The following UBR3 variants were observed in gnomAD, a reference collection of about 807,000 sequenced individuals.
The protein encoded by UBR3 is ubiquitin protein ligase E3 component n-recognin 3, also known as E3 ubiquitin-protein ligase UBR3.
A neutral mutation model predicts 243.2 loss-of-function variants in UBR3; 85 were observed. The ratio of observed to expected loss-of-function variants is 0.35; its 90% CI spans 0.29 to 0.42. UBR3 has a LOEUF of 0.42. UBR3 is among the 10% of genes least tolerant of loss of function. UBR3 has a pLI of 1.00. For synonymous variants in UBR3, 748 were observed against 799.8 expected (o/e 0.94, Z 1.09); for missense variants, 1,686 against 2,300.8 (o/e 0.73, Z 5.47).
chr2:170,063,293 A>G (rs1229482266), intron 35 of UBR3, among the ~76,000 whole-genome samples: 2 of 152,162 alleles, frequency 1.3e-5, no homozygotes, highest in Non-Finnish European at 1.5e-5. Flanking sequence ...GAAGGAGGAA[A>G]TACAGGGCAG....
chr2:169,831,128 T>TATATATATATA (rs1491457428), intron 1 of UBR3, among the ~76,000 whole-genome samples: 2 of 36,426 alleles, frequency 5.5e-5, no homozygotes, highest in African/African-American at 1.6e-4. Context: ...TATATATATA[T>TATATATATATA]TTTTTTTTTT....
intron 10 of UBR3, 48 bp from the exon 11 acceptor site, chr2:169,914,012 T>C (rs569409474): frequency 2.3e-6 from 2 of 870,760 alleles, no homozygotes; most frequent in Admixed American, 3.8e-5. Context: ...ATGTTGAAAA[T>C]ATATGTTTAT....
At chr2:170,051,133 A>AT (rs920096738) in intron 32 of UBR3, among the ~76,000 whole-genome samples, 44 of 149,294 alleles carry the variant, frequency 2.9e-4, no homozygotes, top group African/African-American at 4.4e-4. Context: ...ACAACCATCT[A>AT]TTTTTTTTTT....
chr2:169,834,149 G>A (rs552223969), intron 1 of UBR3, among the ~76,000 whole-genome samples: 2 of 152,124 alleles, frequency 1.3e-5, no homozygotes, highest in African/African-American at 2.4e-5. Flanking sequence ...ATTGAACCAC[G>A]TGAATGTCTG....
rs759620251 is a variant in UBR3 at position 170,005,709 on chromosome 2, A to G, written c.4030-1281A>G. On this transcript the variant is annotated intron_variant, in intron 27 of 38. Coordinates refer to ENST00000272793, the MANE Select transcript of UBR3 (RefSeq NM_172070.4). ...CTGGAGTAGAGTGGAGGCCAAAACT[A>G]TAGGAGCTGATGAGGTTAAGGAGCT... is the stretch of plus-strand genomic sequence containing the variant. 2.0e-5 allele frequency among the ~76,000 whole-genome samples: 3 copies of G among 152,176 alleles called. No homozygotes were observed. The South Asian group carries it at 6.2e-4, about 32-fold the overall frequency.
At chr2:169,877,188 A>G (rs1021231156) in intron 3 of UBR3, among the ~76,000 whole-genome samples, 2 of 152,066 alleles carry the variant, frequency 1.3e-5, no homozygotes, top group African/African-American at 4.8e-5. Flanking sequence ...CTTTACTGTA[A>G]TTTTCAGGTT....
chr2:169,862,017 C>T (rs1410691754), intron 1 of UBR3, among the ~76,000 whole-genome samples: 1 of 152,104 alleles, frequency 6.6e-6, no homozygotes, highest in Non-Finnish European at 1.5e-5. Flanking sequence ...GTAAATTCCA[C>T]ATGTATTTGG....
intron 23 of UBR3, among the ~76,000 whole-genome samples, chr2:169,951,993 A>AT (rs1453425563): frequency 6.6e-6 from 1 of 152,144 alleles, no homozygotes; most frequent in Non-Finnish European, 1.5e-5. Context: ...TCTGGACGCT[A>AT]CTAAGTTTAA....
At chr2:169,964,605 C>T (rs936581652) in intron 24 of UBR3, 6 of 379,396 alleles carry the variant, frequency 1.6e-5, no homozygotes, top group African/African-American at 1.1e-4. Context: ...CTTTAGTTTT[C>T]AGGGTTAGGT....
At chr2:169,996,967 G>T (rs1458946622) in intron 26 of UBR3, among the ~76,000 whole-genome samples, 1 of 151,432 alleles carries the variant, frequency 6.6e-6, no homozygotes, top group Non-Finnish European at 1.5e-5. Flanking sequence ...CTAAAGTGTT[G>T]GGATTACAGG....
At chr2:169,853,846 A>T (rs1008332370) in intron 1 of UBR3, among the ~76,000 whole-genome samples, 1 of 151,084 alleles carries the variant, frequency 6.6e-6, no homozygotes, top group Non-Finnish European at 1.5e-5. Context: ...ATATGTGCAT[A>T]TGTATGTGGA....
At chr2:169,905,645 G>A (rs2084984667) in intron 9 of UBR3, among the ~76,000 whole-genome samples, 1 of 152,174 alleles carries the variant, frequency 6.6e-6, no homozygotes, top group South Asian at 2.1e-4. Flanking sequence ...AAAGTGCTGG[G>A]ATTACAGGGA....
chr2:169,909,065 C>T (rs926639269), intron 10 of UBR3, among the ~76,000 whole-genome samples: 22 of 152,012 alleles, frequency 1.4e-4, no homozygotes, highest in African/African-American at 4.8e-4. Context: ...CCTCGTGATC[C>T]GCCTGCCTCG....
intron 30 of UBR3, among the ~76,000 whole-genome samples, chr2:170,023,220 A>G (rs1305291080): frequency 6.6e-6 from 1 of 151,614 alleles, no homozygotes; most frequent in Non-Finnish European, 1.5e-5. Context: ...TAATCCTCCC[A>G]TCTCAGCCTT....
chr2:169,842,005 G>A (rs987941710), intron 1 of UBR3, among the ~76,000 whole-genome samples: 1 of 152,256 alleles, frequency 6.6e-6, no homozygotes, highest in Non-Finnish European at 1.5e-5. Flanking sequence ...CCTGAGTCTG[G>A]TGGGGACGTG....
At chr2:169,925,776 T>C in intron 14 of UBR3, 29 bp downstream of exon 14, 1 of 1,514,490 alleles carries the variant, frequency 6.6e-7, no homozygotes, top group South Asian at 1.3e-5. Context: ...GCAGATATAC[T>C]TTAGAAGTGT....
intron 32 of UBR3, among the ~76,000 whole-genome samples, chr2:170,051,390 C>T (rs1344705629): frequency 1.3e-5 from 2 of 152,126 alleles, no homozygotes; most frequent in Admixed American, 6.5e-5. Context: ...GTTGCCCAGG[C>T]TGGAGTGCAA....
intron 31 of UBR3, among the ~76,000 whole-genome samples, chr2:170,038,690 T>C (rs551006831): frequency 1.3e-5 from 2 of 152,272 alleles, no homozygotes; most frequent in African/African-American, 4.8e-5. Context: ...ATTTATTCAT[T>C]ATGCTTTTAT....
chr2:170,073,031 T>C (rs2091733636), intron 35 of UBR3, among the ~76,000 whole-genome samples: 2 of 152,164 alleles, frequency 1.3e-5, no homozygotes, highest in Non-Finnish European at 2.9e-5. Context: ...GTGAATTCCA[T>C]GTTTTTATTA....
Sources: allele counts gnomAD v4.1 joint callset (sites outside exome capture counted in the v4.1 genomes callset), GRCh38; gene constraint gnomAD v4.1.1; transcripts MANE v1.5; gene names NCBI Gene and HGNC (gene_info 2026-07-23, HGNC 2026-07-21).